Variants in AK5 observed in about 807,000 individuals in gnomAD.
The protein encoded by AK5 is adenylate kinase isoenzyme 5.
A neutral mutation model predicts 69.5 loss-of-function variants in AK5; 27 were observed. That is an observed-to-expected ratio of 0.39 (90% CI 0.29 to 0.54). The LOEUF (loss-of-function observed/expected upper bound fraction) is 0.54, where lower values mean the gene tolerates loss of function less well. Among genes scored for constraint, AK5 ranks in the 20% least tolerant of loss-of-function variants. The pLI, the probability that AK5 is intolerant of heterozygous loss-of-function variation, is 0.71. For missense variants in AK5, 531 were observed against 700.4 expected, an observed-to-expected ratio of 0.76 and a Z score of 2.73; for synonymous variants, 260 against 244.4, an observed-to-expected ratio of 1.06 and a Z score of -0.60.
intron 13 of AK5, 44 bp downstream of exon 13, chr1:77,536,082 T>C: frequency 1.3e-6 from 2 of 1,487,880 alleles, no homozygotes; most frequent in Non-Finnish European, 1.8e-6. Context: ...CGCTTACCTT[T>C]TTTTTTTTTT....
At chr1:77,379,030 A>G (rs1262659558) in intron 6 of AK5, among the ~76,000 whole-genome samples, 1 of 152,162 alleles carries the variant, frequency 6.6e-6, no homozygotes, top group Non-Finnish European at 1.5e-5. Flanking sequence ...GCTCTGTAAA[A>G]ATCATGTTTC....
intron 6 of AK5, among the ~76,000 whole-genome samples, chr1:77,354,433 G>A (rs2815335): frequency 0.98 from 149,307 of 152,278 alleles, 73,280 homozygotes; most frequent in East Asian, 1. Flanking sequence ...GTCTGTGGAA[G>A]GGAAGCTTGA....
intron 6 of AK5, among the ~76,000 whole-genome samples, chr1:77,377,610 G>C (rs761942488): frequency 6.6e-6 from 1 of 152,152 alleles, no homozygotes; most frequent in Non-Finnish European, 1.5e-5. Flanking sequence ...GTATGATCAT[G>C]TCACTCAACT....
intron 5 of AK5, among the ~76,000 whole-genome samples, chr1:77,333,413 T>C (rs1200410140): frequency 6.6e-6 from 1 of 152,260 alleles, no homozygotes; most frequent in Non-Finnish European, 1.5e-5. Context: ...TGTTCAAATC[T>C]AATGTAATTA....
chr1:77,439,417 A>C (rs1016476361), intron 8 of AK5, among the ~76,000 whole-genome samples: 1 of 152,166 alleles, frequency 6.6e-6, no homozygotes, highest in Non-Finnish European at 1.5e-5. Context: ...TGGGAACATT[A>C]CAAATCTAGC....
intron 8 of AK5, 174 bp downstream of exon 8, chr1:77,417,889 CT>C: frequency 2.0e-6 from 1 of 493,272 alleles, no homozygotes; most frequent in Non-Finnish European, 3.6e-6. Context: ...CTAAGTTTGG[CT>C]TTTTGGCACT....
chr1:77,476,634 C>T (rs1373513935), intron 8 of AK5, among the ~76,000 whole-genome samples: 1 of 152,138 alleles, frequency 6.6e-6, no homozygotes, highest in African/African-American at 2.4e-5. Flanking sequence ...TATCATCTCA[C>T]GCCAGCCGGG....
chr1:77,475,545 T>TAA (rs1553155064), intron 8 of AK5, among the ~76,000 whole-genome samples: 3 of 84,470 alleles, frequency 3.6e-5, no homozygotes, highest in African/African-American at 1.3e-4. Context: ...CAAATATATA[T>TAA]TATATATATA....
At position 77,367,835 on chromosome 1, in the gene AK5, T is replaced by C. The variant is rs1358696520; in HGVS notation, c.891+27267T>C. ...TGTTATATATATTATATATAATATA[T>C]GTTATATATATTATATATAATATAT... is the stretch of plus-strand genomic sequence containing the variant. On this transcript the variant is annotated intron_variant, in intron 6 of 13. Coordinates refer to ENST00000354567, the MANE Select transcript of AK5 (RefSeq NM_174858.3). Among the ~76,000 whole-genome samples, 11 of 24,542 alleles carry C rather than the reference T, an allele frequency of 4.5e-4. 4 individuals carry two copies. Among genetic ancestry groups the C allele is most frequent in the Admixed American group, 2.0e-3 (2 of 1,010 alleles). The allele number at this position is 24,542 out of a possible 152,430, so 16.1% of individuals were successfully genotyped here.
At chr1:77,529,026 G>GT (rs985457291) in intron 12 of AK5, among the ~76,000 whole-genome samples, 18 of 152,016 alleles carry the variant, frequency 1.2e-4, no homozygotes, top group Admixed American at 4.6e-4. Flanking sequence ...AGTCTTTACA[G>GT]TTTTTTTAAT....
intron 13 of AK5, among the ~76,000 whole-genome samples, chr1:77,550,865 C>T (rs1028241681): frequency 3.3e-5 from 5 of 152,130 alleles, no homozygotes; most frequent in Non-Finnish European, 7.4e-5. Context: ...TTCAACTGGG[C>T]TCTCTTTTGC....
intron 5 of AK5, among the ~76,000 whole-genome samples, chr1:77,329,084 G>A (rs937642359): frequency 3.3e-5 from 5 of 151,526 alleles, no homozygotes; most frequent in South Asian, 2.1e-4. Flanking sequence ...TTGCCAACAC[G>A]TGAACTTTTG....
chr1:77,373,393 CA>C (rs1647158067), intron 6 of AK5, among the ~76,000 whole-genome samples: 1 of 151,990 alleles, frequency 6.6e-6, no homozygotes, highest in Admixed American at 6.6e-5. Context: ...AATAGTAATA[CA>C]GTAATATTTG....
intron 6 of AK5, 22 bp downstream of exon 6, chr1:77,340,590 A>G: frequency 1.2e-6 from 2 of 1,607,444 alleles, no homozygotes; most frequent in Non-Finnish European, 1.7e-6. Flanking sequence ...CGACTTTTAC[A>G]AGTCCAATAC....
intron 6 of AK5, among the ~76,000 whole-genome samples, chr1:77,400,762 G>A (rs983999712): frequency 1.4e-4 from 22 of 151,868 alleles, no homozygotes; most frequent in African/African-American, 3.4e-4. Context: ...AAAGTTCTCT[G>A]GGTGCTGCCT....
At chr1:77,508,757 C>G (rs753323471) in intron 10 of AK5, among the ~76,000 whole-genome samples, 2 of 151,890 alleles carry the variant, frequency 1.3e-5, no homozygotes, top group Non-Finnish European at 1.5e-5. Context: ...ATCCCAGCTA[C>G]TCGAGAGGCT....
intron 5 of AK5, among the ~76,000 whole-genome samples, chr1:77,309,868 A>G (rs1037464382): frequency 1.4e-4 from 21 of 152,204 alleles, no homozygotes; most frequent in East Asian, 7.7e-4. Flanking sequence ...CCTTTGCTAC[A>G]TATCTTATAA....
intron 8 of AK5, among the ~76,000 whole-genome samples, chr1:77,424,300 G>T (rs993004878): frequency 6.6e-6 from 1 of 152,160 alleles, no homozygotes; most frequent in Non-Finnish European, 1.5e-5. Flanking sequence ...TTGCTGTGTT[G>T]CCCAGGTTGA....
intron 8 of AK5, among the ~76,000 whole-genome samples, chr1:77,432,797 G>A (rs1179812581): frequency 6.6e-6 from 1 of 152,184 alleles, no homozygotes; most frequent in Non-Finnish European, 1.5e-5. Flanking sequence ...GTTCTTTTAA[G>A]TTATGAGCAG....
Sources: gnomAD v4.1 joint callset for allele counts (sites outside exome capture counted in the v4.1 genomes callset) on GRCh38, gnomAD v4.1.1 for gene constraint, MANE v1.5 for transcripts, NCBI Gene and HGNC (gene_info 2026-07-23, HGNC 2026-07-21) for gene names.